MYO16: variants seen among roughly 807,000 people sequenced by gnomAD.
The protein encoded by MYO16 is myosin XVI.
A neutral mutation model predicts 205.3 loss-of-function variants in MYO16; 94 were observed. The observed-to-expected ratio is 0.46, with a 90% confidence interval of 0.39 to 0.54. The LOEUF (loss-of-function observed/expected upper bound fraction) is 0.54. MYO16 is among the 20% of genes least tolerant of loss of function. MYO16 has a pLI of 0.00. For synonymous variants in MYO16, 988 were observed against 954.0 expected (o/e 1.04, Z -0.66); for missense variants, 2,315 against 2,387.5 (o/e 0.97, Z 0.63).
chr13:108,533,954 C>A, the MYO16 span, among the ~76,000 whole-genome samples: 1 of 152,074 alleles, frequency 6.6e-6, no homozygotes, highest in South Asian at 2.1e-4. Context: ...CCTCTGCCCC[C>A]TTAGTTTTGC....
At chr13:108,931,760 A>G (rs1882266473) in intron 16 of MYO16, among the ~76,000 whole-genome samples, 1 of 152,170 alleles carries the variant, frequency 6.6e-6, no homozygotes, top group South Asian at 2.1e-4. Context: ...GGGTGGGCTT[A>G]TATTTCTAGT....
chr13:108,547,598 A>G, the MYO16 span, among the ~76,000 whole-genome samples: 1 of 152,246 alleles, frequency 6.6e-6, no homozygotes, highest in Non-Finnish European at 1.5e-5. Flanking sequence ...TTGGATCATT[A>G]TTAGGCTATT....
At chr13:108,981,367 C>A (rs1594444343) in intron 20 of MYO16, among the ~76,000 whole-genome samples, 1 of 152,204 alleles carries the variant, frequency 6.6e-6, no homozygotes, top group East Asian at 1.9e-4. Flanking sequence ...AAAAAGTGAT[C>A]CCAATTTTTA....
chr13:109,032,765 C>A (rs2139559937), intron 23 of MYO16, among the ~76,000 whole-genome samples: 1 of 152,182 alleles, frequency 6.6e-6, no homozygotes, highest in South Asian at 2.1e-4. Flanking sequence ...ACATGTCTAA[C>A]CTGAGGGTAG....
intron 6 of MYO16, among the ~76,000 whole-genome samples, chr13:108,802,277 T>C (rs1289118342): frequency 6.6e-6 from 1 of 152,178 alleles, no homozygotes; most frequent in Non-Finnish European, 1.5e-5. Context: ...GCAACCATCA[T>C]TCTTCTCTCT....
chr13:108,722,028 T>C (rs946673356), intron 3 of MYO16, among the ~76,000 whole-genome samples: 2 of 152,194 alleles, frequency 1.3e-5, no homozygotes, highest in East Asian at 3.8e-4. Flanking sequence ...CCCTCTGATA[T>C]CACTATCTTG....
intron 4 of MYO16, among the ~76,000 whole-genome samples, chr13:108,750,013 T>G (rs976233449): frequency 2.6e-5 from 4 of 152,010 alleles, no homozygotes; most frequent in Non-Finnish European, 5.9e-5. Context: ...GCCATCCAAA[T>G]GAAAGAAGCC....
chr13:108,919,438 G>T (rs939463394), intron 16 of MYO16, among the ~76,000 whole-genome samples: 2 of 152,206 alleles, frequency 1.3e-5, no homozygotes, highest in African/African-American at 4.8e-5. Context: ...GCTTGATGAC[G>T]CAAGGCGACA....
the MYO16 span, among the ~76,000 whole-genome samples, chr13:108,532,325 T>C: frequency 2.2e-4 from 34 of 151,968 alleles, no homozygotes; most frequent in African/African-American, 8.0e-4. Flanking sequence ...TTAAGTCAAA[T>C]GGGTAACAGT....
intron 2 of MYO16, among the ~76,000 whole-genome samples, chr13:108,670,923 C>A (rs2139444659): frequency 6.6e-6 from 1 of 152,278 alleles, no homozygotes; most frequent in Middle Eastern, 3.4e-3. Flanking sequence ...CCTGGCAAGG[C>A]TTTCTTAACA....
chr13:108,750,201 G>A (rs1198077742), intron 4 of MYO16, among the ~76,000 whole-genome samples: 2 of 152,164 alleles, frequency 1.3e-5, no homozygotes, highest in African/African-American at 2.4e-5. Context: ...ATGACACCCT[G>A]CCTTTGTGAA....
the MYO16 span, among the ~76,000 whole-genome samples, chr13:108,571,302 A>G: frequency 7.1e-6 from 1 of 140,170 alleles, no homozygotes; most frequent in Non-Finnish European, 1.6e-5. Context: ...CCCTGGGATG[A>G]AAAAAAAAAA....
At chr13:108,934,818 T>C (rs1882408801) in intron 16 of MYO16, among the ~76,000 whole-genome samples, 1 of 152,070 alleles carries the variant, frequency 6.6e-6, no homozygotes, top group African/African-American at 2.4e-5. Flanking sequence ...AAGATAGGGG[T>C]CCATTGTAAT....
At chr13:108,506,900 T>A in the MYO16 span, among the ~76,000 whole-genome samples, 1 of 152,200 alleles carries the variant, frequency 6.6e-6, no homozygotes, top group Admixed American at 6.5e-5. Context: ...CATGAAAATA[T>A]GTTGAATTTT....
chr13:108,844,521 C>T (rs1269604378), intron 10 of MYO16, 28 bp downstream of exon 10: 1 of 1,555,710 alleles, frequency 6.4e-7, no homozygotes, highest in African/African-American at 1.4e-5. Context: ...GTGTGTCTAC[C>T]AGTACTTTTT....
chr13:109,118,382 C>T (rs183651832), intron 28 of MYO16, among the ~76,000 whole-genome samples: 25 of 152,314 alleles, frequency 1.6e-4, no homozygotes, highest in African/African-American at 9.6e-5. Context: ...TGTAAGAGAT[C>T]ATACTCATTT....
intron 9 of MYO16, among the ~76,000 whole-genome samples, chr13:108,826,093 A>G (rs1876249366): frequency 6.6e-6 from 1 of 152,124 alleles, no homozygotes; most frequent in Non-Finnish European, 1.5e-5. Flanking sequence ...ATCACATAAC[A>G]ATTCAAGGAC....
intron 7 of MYO16, among the ~76,000 whole-genome samples, 177 bp from the exon 8 acceptor site, chr13:108,820,160 T>C (rs1875886146): frequency 6.6e-6 from 1 of 152,180 alleles, no homozygotes; most frequent in South Asian, 2.1e-4. Flanking sequence ...CTGAAATAAT[T>C]TGAGTATCTG....
intron 33 of MYO16, among the ~76,000 whole-genome samples, chr13:109,176,823 TCACCTGGCCCTC>T (rs1301007728): frequency 5.4e-5 from 8 of 149,054 alleles, no homozygotes; most frequent in Admixed American, 5.3e-4. Context: ...CCCGCTGTCC[TCACCTGGCCCTC>T]CACCTGCATG....
Sources: allele counts gnomAD v4.1 joint callset (sites outside exome capture counted in the v4.1 genomes callset), GRCh38; gene constraint gnomAD v4.1.1; transcripts MANE v1.5; gene names NCBI Gene and HGNC (gene_info 2026-07-23, HGNC 2026-07-21).